PREX1: variants seen among roughly 807,000 people sequenced by gnomAD.
PREX1 encodes the protein phosphatidylinositol-3,4,5-trisphosphate dependent Rac exchange factor 1, also known as phosphatidylinositol 3,4,5-trisphosphate-dependent Rac exchanger 1 protein.
Under a neutral mutation model 198.3 loss-of-function variants are expected in PREX1, and 41 were observed. The observed-to-expected ratio is 0.21, with a 90% CI of 0.16 to 0.27. The LOEUF (loss-of-function observed/expected upper bound fraction) is 0.27. Ranked by LOEUF, PREX1 falls within the 10% of genes least tolerant of loss-of-function variation. PREX1 has a pLI of 1.00. For missense variants in PREX1, 1,620 were observed against 2,200.7 expected (o/e 0.74, Z 5.28); for synonymous variants, 843 against 887.2 (o/e 0.95, Z 0.89).
intron 1 of PREX1, among the ~76,000 whole-genome samples, chr20:48,810,048 G>A (rs999728934): frequency 6.6e-6 from 1 of 152,154 alleles, no homozygotes; most frequent in Non-Finnish European, 1.5e-5. Flanking sequence ...ATAGGAGCTG[G>A]GCAGGTAACA....
intron 25 of PREX1, among the ~76,000 whole-genome samples, chr20:48,646,593 G>A (rs1441789826): frequency 6.6e-6 from 1 of 150,758 alleles, no homozygotes; most frequent in South Asian, 2.1e-4. Flanking sequence ...CGGGAGGCTC[G>A]TATGAGAATC....
chr20:48,862,051 A>C, the PREX1 span, among the ~76,000 whole-genome samples: 2 of 152,026 alleles, frequency 1.3e-5, no homozygotes, highest in South Asian at 4.2e-4. Flanking sequence ...CTCTACTAAA[A>C]ATACAAAAGT....
chr20:48,777,479 G>A (rs552857494), intron 1 of PREX1, among the ~76,000 whole-genome samples: 46 of 151,982 alleles, frequency 3.0e-4, no homozygotes, highest in Middle Eastern at 3.2e-3. Context: ...CAGGGCCTCC[G>A]GCGGAATCCA....
intron 1 of PREX1, among the ~76,000 whole-genome samples, chr20:48,791,599 T>C (rs1378237247): frequency 6.6e-6 from 1 of 152,096 alleles, no homozygotes; most frequent in East Asian, 1.9e-4. Flanking sequence ...CAGTGATGGG[T>C]CAGGTTTCAA....
Position 48,827,577 on chromosome 20 carries a change from T to G in PREX1, c.219+65A>C, listed in dbSNP as rs191263596. The G allele has an allele frequency of 1.1e-5, 13 of 1,139,334 alleles. No homozygotes were observed. In the African/African-American group the frequency reaches 2.0e-4, roughly 17 times the overall value. The allele number at this position is 1,139,334 out of a possible 1,614,324, so 70.6% of individuals were successfully genotyped here. A position where few individuals can be genotyped will look rare whatever the true frequency, so the allele number is the denominator to read the frequency against. Reference sequence around the variant, plus strand: ...CCACGGGGACCACGGCCACAGGTTGTGGGGACCGCAGCGGGGCGAGCGGCT... The same window carrying G: ...CCACGGGGACCACGGCCACAGGTTGGGGGGACCGCAGCGGGGCGAGCGGCT... On this transcript the variant is annotated intron_variant, in intron 1 of 39. Coordinates refer to ENST00000371941, the MANE Select transcript of PREX1 (RefSeq NM_020820.4). The surrounding 1 kb of genome is among the most constrained non-coding windows in gnomAD (Gnocchi z 4.1).
Position 48,681,341 on chromosome 20 carries a change from AG to A in PREX1, c.1335-7del. ...GGAGCCAGGCAACGAACTCACTGCC[AG>A]GAACACAATATGTGGTTGAGAGGAT... On this transcript the variant is annotated splice_region_variant and splice_polypyrimidine_tract_variant and intron_variant, in intron 10 of 39. Transcript: ENST00000371941. The A allele has an allele frequency of 6.2e-7, 1 of 1,613,894 alleles. No individual in the cohort carries two copies. Among genetic ancestry groups the A allele is most frequent in the Non-Finnish European group, 8.5e-7 (1 of 1,179,720 alleles).
intron 1 of PREX1, among the ~76,000 whole-genome samples, chr20:48,824,191 T>C (rs189658348): frequency 3.7e-4 from 57 of 152,202 alleles, no homozygotes; most frequent in Admixed American, 1.4e-3. Context: ...GAAAGGGCTG[T>C]CCTTGCCTTT....
chr20:48,657,987 G>A (rs1601051707), intron 17 of PREX1, 149 bp downstream of exon 17: 2 of 803,122 alleles, frequency 2.5e-6, no homozygotes, highest in Non-Finnish European at 4.0e-6. Context: ...GTGGGTCCTG[G>A]ACTCAGTTTC....
intron 33 of PREX1, among the ~76,000 whole-genome samples, chr20:48,633,789 G>C (rs2089334806): frequency 6.6e-6 from 1 of 152,184 alleles, no homozygotes; most frequent in Non-Finnish European, 1.5e-5. Context: ...CTAGGGCCCA[G>C]GGCCCTGGGA....
At chr20:48,651,349 C>T in intron 22 of PREX1, 47 bp downstream of exon 22, 1 of 1,534,962 alleles carries the variant, frequency 6.5e-7, no homozygotes. Context: ...GAGAAACTGG[C>T]TTCAATCCCC....
intron 6 of PREX1, among the ~76,000 whole-genome samples, chr20:48,704,555 T>C (rs1395920529): frequency 2.0e-5 from 3 of 151,568 alleles, no homozygotes; most frequent in East Asian, 1.9e-4. Context: ...CTTCCTTCCT[T>C]CCTCCCTCCC....
intron 11 of PREX1, 58 bp downstream of exon 11, chr20:48,681,177 A>C (rs1372872033): frequency 1.4e-6 from 2 of 1,402,290 alleles, no homozygotes; most frequent in Non-Finnish European, 2.0e-6. Flanking sequence ...AGCATGGCAC[A>C]GTTGGGGTCT....
chr20:48,718,642 G>A (rs1363521682), intron 5 of PREX1, among the ~76,000 whole-genome samples: 2 of 152,100 alleles, frequency 1.3e-5, no homozygotes, highest in African/African-American at 4.8e-5. Flanking sequence ...AACAAAAAAA[G>A]CACCTAAAGT....
Position 48,825,812 on chromosome 20 carries a change from T to C in PREX1, c.219+1830A>G, listed in dbSNP as rs535674750. 9.7e-4 allele frequency among the ~76,000 whole-genome samples: 147 copies of C among 151,856 alleles called. 2 individuals carry two copies. Among genetic ancestry groups the C allele is most frequent in the African/African-American group, 3.3e-3 (136 of 41,490 alleles). On this transcript the variant is annotated intron_variant, in intron 1 of 39. Coordinates refer to ENST00000371941, the MANE Select transcript of PREX1 (RefSeq NM_020820.4). ...CTCAGAGACACCAGGGTTGTCTACA[T>C]GTTTAATTCAAAAACTGCCAGCTTC...
intron 1 of PREX1, among the ~76,000 whole-genome samples, chr20:48,799,361 T>C (rs750085): frequency 0.2 from 31,066 of 152,044 alleles, 3,550 homozygotes; most frequent in Middle Eastern, 0.3. Flanking sequence ...CACAAGGACA[T>C]GCAGACAGGC....
intron 1 of PREX1, among the ~76,000 whole-genome samples, chr20:48,819,227 C>T (rs1213902005): frequency 6.6e-6 from 1 of 152,192 alleles, no homozygotes; most frequent in Non-Finnish European, 1.5e-5. Context: ...GAGGCCCATG[C>T]GACCTGGACC....
chr20:48,832,392 CTAAT>C (rs2090539087), upstream of PREX1, among the ~76,000 whole-genome samples: 2 of 152,146 alleles, frequency 1.3e-5, no homozygotes, highest in African/African-American at 2.4e-5. Context: ...AAAAGGAAAA[CTAAT>C]TAAGTTAAAG....
intron 11 of PREX1, among the ~76,000 whole-genome samples, chr20:48,680,386 C>T (rs936241647): frequency 1.3e-5 from 2 of 152,156 alleles, no homozygotes; most frequent in Admixed American, 1.3e-4. Flanking sequence ...ATTCTGCCAG[C>T]GTGTTCGTCC....
upstream of PREX1, chr20:48,828,032 A>G (rs1483196596): frequency 2.0e-5 from 3 of 151,346 alleles, no homozygotes; most frequent in Non-Finnish European, 4.2e-5. Context: ...GGGCGGAGGC[A>G]GCGCGCGGGG....
Sources: gnomAD v4.1 joint callset for allele counts (sites outside exome capture counted in the v4.1 genomes callset) on GRCh38, gnomAD v4.1.1 for gene constraint, Gnocchi (gnomAD v3.1) non-coding constraint, MANE v1.5 for transcripts, NCBI Gene and HGNC (gene_info 2026-07-23, HGNC 2026-07-21) for gene names.